ZNF740: variants seen among roughly 807,000 people sequenced by gnomAD.
ZNF740 encodes oriLyt TD-element-binding protein 7.
A neutral mutation model predicts 24.8 loss-of-function variants in ZNF740; 14 were observed. That is an observed-to-expected ratio of 0.56 (90% CI 0.37 to 0.88). ZNF740 has a LOEUF of 0.88. Among genes scored for constraint, ZNF740 ranks in the 40% least tolerant of loss-of-function variants. ZNF740 has a pLI of 0.00. For synonymous variants in ZNF740, 69 were observed against 84.0 expected, an observed-to-expected ratio of 0.82 and a Z score of 0.98; for missense variants, 201 against 247.9, an observed-to-expected ratio of 0.81 and a Z score of 1.27.
Position 53,192,028 on chromosome 12 carries a change from A to G in ZNF740, c.*4438A>G. 6.2e-7 allele frequency: 1 copy of G among 1,609,712 alleles called. No homozygotes were observed. Among genetic ancestry groups the G allele is most frequent in the Non-Finnish European group, 8.5e-7 (1 of 1,177,406 alleles). Reference sequence around the variant, plus strand: ...CGTGTGGTCTGCTCCCTCTGTGAACAAGAAACCAGACACACTTGTGGGAGC... The same window carrying G: ...CGTGTGGTCTGCTCCCTCTGTGAACGAGAAACCAGACACACTTGTGGGAGC... On this transcript the variant is annotated 3_prime_UTR_variant, in exon 7 of 7. Transcript: ENST00000416904.
chr12:53,192,799 C>T lies in ZNF740; in HGVS notation c.*5209C>T. 6.2e-7 allele frequency: 1 copy of T among 1,614,246 alleles called. No homozygotes were observed. The highest frequency in any genetic ancestry group is 8.5e-7 in the Non-Finnish European group (1 of 1,180,042). ...GCATTTGCAGCGTCCATGCCCACTG[C>T]AGAGCCCTCCCTCGGGACTGATGCA... On this transcript the variant is annotated 3_prime_UTR_variant, in exon 7 of 7. Transcript: ENST00000416904.
In ZNF740 at chr12:53,191,457, A is replaced by G. The variant is rs1056460439; in HGVS notation, c.*3867A>G. On this transcript the variant is annotated 3_prime_UTR_variant, in exon 7 of 7. Transcript: ENST00000416904. ...GGTGGCCGCACCTCGCCAGTGAATT[A>G]GTCCCCTACCAAGGTCTTACAGACC... The G allele has an allele frequency of 2.1e-6, 2 of 933,270 alleles. No individual in the cohort carries two copies. The highest frequency in any genetic ancestry group is 1.3e-5 in the South Asian group (1 of 76,936). 57.8% of individuals were successfully genotyped at this position (933,270 alleles called of 1,614,324 possible). A position where few individuals can be genotyped will look rare whatever the true frequency, so the allele number is the denominator to read the frequency against.
rs767021407 is a variant in ZNF740, at chr12:53,191,620, T to A, written c.*4030T>A. The A allele has an allele frequency of 6.2e-7, 1 of 1,613,434 alleles. No individual in the cohort carries two copies. Among genetic ancestry groups the A allele is most frequent in the South Asian group, 1.1e-5 (1 of 91,062 alleles). On this transcript the variant is annotated 3_prime_UTR_variant, in exon 7 of 7. Transcript: ENST00000416904. Reference sequence around the variant, plus strand: ...GATGGTGGTCGTGATGGCACTTTTGTAGAGAGGATTACTGTCCTGGAGAAA... The same window carrying A: ...GATGGTGGTCGTGATGGCACTTTTGAAGAGAGGATTACTGTCCTGGAGAAA...
Position 53,191,822 on chromosome 12 carries a change from A to G in ZNF740, c.*4232A>G, listed in dbSNP as rs774732750. The G allele has an allele frequency of 1.9e-6, 3 of 1,612,152 alleles. No homozygotes were observed. In the African/African-American group the frequency reaches 4.0e-5, roughly 22 times the overall value. The stretch of plus-strand genomic sequence containing the variant: ...TCAGGGCTGGTCTTGTGGTGGGGGA[A>G]CAGCTAAAAAGGGGCCTAACCAGGA... On this transcript the variant is annotated 3_prime_UTR_variant, in exon 7 of 7. Coordinates refer to ENST00000416904, the MANE Select transcript of ZNF740 (RefSeq NM_001004304.4).
In ZNF740 at chr12:53,193,620, G is replaced by T. The variant is rs61761309; in HGVS notation, c.*6030G>T. Reference sequence around the variant, plus strand: ...GTCGGGATGTCGAGGAGACTCCTGTGGGGGGGATGGAAAGCAGCGGAGGAA... The same window carrying T: ...GTCGGGATGTCGAGGAGACTCCTGTTGGGGGGATGGAAAGCAGCGGAGGAA... On this transcript the variant is annotated 3_prime_UTR_variant, in exon 7 of 7. Coordinates refer to ENST00000416904, the MANE Select transcript of ZNF740 (RefSeq NM_001004304.4). 143 of 1,164,614 alleles carry T rather than the reference G, an allele frequency of 1.2e-4. No homozygotes were observed. The African/African-American group carries it at 1.5e-3, about 12-fold the overall frequency. The allele number at this position is 1,164,614 out of a possible 1,614,324, so 72.1% of individuals were successfully genotyped here.
intron 4 of ZNF740, 44 bp from the exon 5 acceptor site, chr12:53,185,910 G>T: frequency 6.2e-7 from 1 of 1,606,046 alleles, no homozygotes; most frequent in South Asian, 1.1e-5. Flanking sequence ...TCTCCAGGAA[G>T]AGGGCAGTGG....
rs1231874956 is a variant in ZNF740 at position 53,193,813 on chromosome 12, A to G, written c.*6223A>G. On this transcript the variant is annotated 3_prime_UTR_variant, in exon 7 of 7. Transcript: ENST00000416904. The stretch of plus-strand genomic sequence containing the variant: ...ACACAGCGTGTGCAACTCCACAATC[A>G]GCTCCTCTGAGAAGCCAAGGGCCCG... 3.7e-6 allele frequency: 6 copies of G among 1,614,064 alleles called. No individual in the cohort carries two copies. Among genetic ancestry groups the G allele is most frequent in the Non-Finnish European group, 5.1e-6 (6 of 1,179,994 alleles).
chr12:53,191,897 G>A lies in ZNF740; in HGVS notation c.*4307G>A, dbSNP rs757498688. 2.1e-5 allele frequency: 34 copies of A among 1,612,788 alleles called. No individual in the cohort carries two copies. In the South Asian group the frequency reaches 2.5e-4, roughly 12 times the overall value. On this transcript the variant is annotated 3_prime_UTR_variant, in exon 7 of 7. Transcript: ENST00000416904. ...AGTTGTTGCTGCTCCTTCTCAAAGCGACTGTATTCCCGGCGGTCATAGATT... is the reference window on the plus strand; with the variant it reads ...AGTTGTTGCTGCTCCTTCTCAAAGCAACTGTATTCCCGGCGGTCATAGATT...
At chr12:53,184,636 T>C (rs1038931091) in intron 2 of ZNF740, among the ~76,000 whole-genome samples, 1 of 152,208 alleles carries the variant, frequency 6.6e-6, no homozygotes, top group Non-Finnish European at 1.5e-5. Flanking sequence ...CTAGTGCTGA[T>C]GACAAAGGTG....
At chr12:53,185,593 CAGTG>C (rs1486522618) in intron 4 of ZNF740, 117 bp downstream of exon 4, 2 of 923,974 alleles carry the variant, frequency 2.2e-6, no homozygotes, top group African/African-American at 1.7e-5. Flanking sequence ...CTCTGATAGC[CAGTG>C]AGTGAGTCCC....
In ZNF740 at chr12:53,189,094, G is replaced by C. The variant is rs1247316835; in HGVS notation, c.*1504G>C. Reference sequence around the variant, plus strand: ...GAAGAACACAATTTGGGGAACAGAAGGGCTTTTGTTTTGGAGGGTTTTTTT... The same window carrying C: ...GAAGAACACAATTTGGGGAACAGAACGGCTTTTGTTTTGGAGGGTTTTTTT... On this transcript the variant is annotated 3_prime_UTR_variant, in exon 7 of 7. Transcript: ENST00000416904. 1 of 152,020 alleles carries C rather than the reference G, an allele frequency of 6.6e-6. No homozygotes were observed. The highest frequency in any genetic ancestry group is 1.9e-4 in the East Asian group (1 of 5,202). 9.4% of individuals were successfully genotyped at this position (152,020 alleles called of 1,614,324 possible).
Position 53,181,861 on chromosome 12 carries a change from C to A in ZNF740, c.-123C>A. On this transcript the variant is annotated 5_prime_UTR_variant, in exon 2 of 7. In the 5' UTR this introduces an upstream ATG that the reference lacks. Transcript: ENST00000416904. ...GACAAAGTTCAATATGGCAACAGGA[C>A]TGATGGGACACGAAGGAGTCGCTAC... is the stretch of plus-strand genomic sequence containing the variant. 1 of 1,253,686 alleles carries A rather than the reference C, an allele frequency of 8.0e-7. No individual in the cohort carries two copies. The highest frequency in any genetic ancestry group is 1.1e-6 in the Non-Finnish European group (1 of 884,454). 77.7% of individuals were successfully genotyped at this position (1,253,686 alleles called of 1,614,324 possible).
In ZNF740 at chr12:53,184,983, G is replaced by A. The variant is rs1941794907; in HGVS notation, c.102G>A (p.Lys34=). ...KKMMLSQIAS[K]QAENGERAGS... is the part of the protein sequence containing the mutation. Reference sequence around the variant, plus strand: ...TGATGCTGAGCCAGATTGCCAGCAAGCAGGCCGAGAATGGCGAGCGGGCAG... The same window carrying A: ...TGATGCTGAGCCAGATTGCCAGCAAACAGGCCGAGAATGGCGAGCGGGCAG... The change falls in exon 3 of 7, where the codon AAG becomes AAA. Residue 34 remains lysine, a synonymous_variant. Transcript: ENST00000416904. 5.6e-6 allele frequency: 9 copies of A among 1,613,930 alleles called. No individual in the cohort carries two copies. Among genetic ancestry groups the A allele is most frequent in the Non-Finnish European group, 7.6e-6 (9 of 1,179,916 alleles).
chr12:53,189,222 TAAAG>T lies in ZNF740; in HGVS notation c.*1639_*1642del, dbSNP rs1200517831. 1 of 152,102 alleles carries T rather than the reference TAAAG, an allele frequency of 6.6e-6. No individual in the cohort carries two copies. Among genetic ancestry groups the T allele is most frequent in the African/African-American group, 2.4e-5 (1 of 41,414 alleles). The allele number at this position is 152,102 out of a possible 1,614,324, so 9.4% of individuals were successfully genotyped here. A position where few individuals can be genotyped will look rare whatever the true frequency, so the allele number is the denominator to read the frequency against. The stretch of plus-strand genomic sequence containing the variant: ...GGTGAAATAAACCTTTTCTTTCTGC[TAAAG>T]AAAGAATCCTTATGGGAAGTTTTGG... On this transcript the variant is annotated 3_prime_UTR_variant, in exon 7 of 7. Coordinates refer to ENST00000416904, the MANE Select transcript of ZNF740 (RefSeq NM_001004304.4).
At position 53,187,792 on chromosome 12, in the gene ZNF740, G is replaced by A. The variant is rs958989954; in HGVS notation, c.*202G>A. On this transcript the variant is annotated 3_prime_UTR_variant, in exon 7 of 7. Transcript: ENST00000416904. ...AATAATCTGAGACTATGAGTATCTCGGGGAAGTTCTTACAGCATTCCTGGG... is the reference window on the plus strand; with the variant it reads ...AATAATCTGAGACTATGAGTATCTCAGGGAAGTTCTTACAGCATTCCTGGG... 6 of 561,978 alleles carry A rather than the reference G, an allele frequency of 1.1e-5. No homozygotes were observed. The highest frequency in any genetic ancestry group is 2.0e-5 in the South Asian group (1 of 49,940). The allele number at this position is 561,978 out of a possible 1,614,324, so 34.8% of individuals were successfully genotyped here.
intron 2 of ZNF740, among the ~76,000 whole-genome samples, chr12:53,184,328 G>C (rs200881460): frequency 6.6e-6 from 1 of 151,882 alleles, no homozygotes; most frequent in East Asian, 2.0e-4. Flanking sequence ...AGCTGGGACC[G>C]CAGGTGTGTG....
At position 53,193,979 on chromosome 12, in the gene ZNF740, C is replaced by A. The variant is rs570760616; in HGVS notation, c.*6389C>A. On this transcript the variant is annotated 3_prime_UTR_variant, in exon 7 of 7. Transcript: ENST00000416904. The stretch of plus-strand genomic sequence containing the variant: ...CCCAAACTCACCAATCATCCAGAAC[C>A]TCACCCCTTAGTAAATGAAGGGATG... The A allele has an allele frequency of 2.1e-6, 3 of 1,419,044 alleles. No homozygotes were observed. Among genetic ancestry groups the A allele is most frequent in the South Asian group, 1.3e-5 (1 of 75,822 alleles). The allele number at this position is 1,419,044 out of a possible 1,614,324, so 87.9% of individuals were successfully genotyped here. A position where few individuals can be genotyped will look rare whatever the true frequency, so the allele number is the denominator to read the frequency against.
Position 53,189,586 on chromosome 12 carries a change from G to A in ZNF740, c.*1996G>A, listed in dbSNP as rs1036335472. 1 of 152,120 alleles carries A rather than the reference G, an allele frequency of 6.6e-6. No individual in the cohort carries two copies. The highest frequency in any genetic ancestry group is 1.5e-5 in the Non-Finnish European group (1 of 68,034). The allele number at this position is 152,120 out of a possible 1,614,324, so 9.4% of individuals were successfully genotyped here. A position where few individuals can be genotyped will look rare whatever the true frequency, so the allele number is the denominator to read the frequency against. ...TCCTTTTGGGGAGACGCTGAGGAGT[G>A]TTTGCTGCCATGTACTCTTACAGCT... is the stretch of plus-strand genomic sequence containing the variant. On this transcript the variant is annotated 3_prime_UTR_variant, in exon 7 of 7. Transcript: ENST00000416904.
Position 53,193,845 on chromosome 12 carries a change from C to T in ZNF740, c.*6255C>T. ...CTGAGAAGCCAAGGGCCCGGAGCCT[C>T]AGGAGATGGGGCTCTGGGAGGCAGT... On this transcript the variant is annotated 3_prime_UTR_variant, in exon 7 of 7. Coordinates refer to ENST00000416904, the MANE Select transcript of ZNF740 (RefSeq NM_001004304.4). The T allele has an allele frequency of 6.2e-7, 1 of 1,614,048 alleles. No individual in the cohort carries two copies. The highest frequency in any genetic ancestry group is 8.5e-7 in the Non-Finnish European group (1 of 1,179,998).
Sources: gnomAD v4.1 joint callset for allele counts (sites outside exome capture counted in the v4.1 genomes callset) on GRCh38, gnomAD v4.1.1 for gene constraint, MANE v1.5 for transcripts, NCBI Gene and HGNC (gene_info 2026-07-23, HGNC 2026-07-21) for gene names.